The following COL24A1 variants were observed in gnomAD, a reference collection of about 807,000 sequenced individuals.
COL24A1 encodes collagen alpha-1(XXIV) chain.
Under a neutral mutation model 253.9 loss-of-function variants are expected in COL24A1, and 224 were observed. The observed-to-expected ratio is 0.88, with a 90% CI of 0.79 to 0.99. The LOEUF (loss-of-function observed/expected upper bound fraction) is 0.99. Among genes scored for constraint, COL24A1 ranks in the 50% least tolerant of loss-of-function variants. The pLI, the probability that COL24A1 is intolerant of heterozygous loss-of-function variation, is 0.00. For missense variants in COL24A1, 2,131 were observed against 2,068.5 expected, an observed-to-expected ratio of 1.03 and a Z score of -0.59; for synonymous variants, 685 against 673.7, an observed-to-expected ratio of 1.02 and a Z score of -0.26.
chr1:85,977,394 T>A (rs992068682), intron 20 of COL24A1, among the ~76,000 whole-genome samples: 6 of 152,036 alleles, frequency 3.9e-5, no homozygotes, highest in Admixed American at 3.9e-4. Context: ...GATAAAGAAT[T>A]CAGAATATTG....
Position 85,937,251 on chromosome 1 carries a change from C to T in COL24A1, c.2562+23998G>A, listed in dbSNP as rs145902106. On this transcript the variant is annotated intron_variant, in intron 24 of 59. Transcript: ENST00000370571. ...AAAAGGCAGTAACAGGGAACATCTTCTAATGAGCAAGTCTCAGGCAGTGTA... is the reference window on the plus strand; with the variant it reads ...AAAAGGCAGTAACAGGGAACATCTTTTAATGAGCAAGTCTCAGGCAGTGTA... Among the ~76,000 whole-genome samples, 187 of 147,846 alleles carry T rather than the reference C, an allele frequency of 1.3e-3. 14 individuals are homozygous for T. The highest frequency in any genetic ancestry group is 4.4e-3 in the African/African-American group (179 of 40,378).
chr1:86,021,927 G>T (rs1697575539), intron 18 of COL24A1, among the ~76,000 whole-genome samples: 1 of 151,980 alleles, frequency 6.6e-6, no homozygotes, highest in South Asian at 2.1e-4. Flanking sequence ...ATTATTTAAG[G>T]TGCTTTACAT....
chr1:85,914,654 G>C (rs971453063), intron 24 of COL24A1, among the ~76,000 whole-genome samples: 4 of 152,138 alleles, frequency 2.6e-5, no homozygotes, highest in Non-Finnish European at 4.4e-5. Flanking sequence ...GCCTCCCAAA[G>C]TATTGGGATT....
At chr1:86,076,313 C>T (rs1702239659) in intron 7 of COL24A1, among the ~76,000 whole-genome samples, 1 of 152,086 alleles carries the variant, frequency 6.6e-6, no homozygotes, top group Non-Finnish European at 1.5e-5. Flanking sequence ...GAATAAAATA[C>T]CTAGGAATAC....
At chr1:85,788,140 G>C (rs1204846367) in intron 47 of COL24A1, among the ~76,000 whole-genome samples, 1 of 151,952 alleles carries the variant, frequency 6.6e-6, no homozygotes, top group Non-Finnish European at 1.5e-5. Flanking sequence ...ACCCAGGCTG[G>C]AGTGCAGTGG....
At chr1:85,976,209 G>A (rs72954601) in intron 20 of COL24A1, among the ~76,000 whole-genome samples, 1,725 of 152,296 alleles carry the variant, frequency 0.011, 28 homozygotes, top group African/African-American at 0.039. Flanking sequence ...AGGCCTGAAA[G>A]CCTTGCTTGC....
chr1:85,970,294 A>G, intron 21 of COL24A1, 23 bp from the exon 22 acceptor site: 1 of 1,570,426 alleles, frequency 6.4e-7, no homozygotes, highest in South Asian at 1.2e-5. Flanking sequence ...AAAAGTCAGA[A>G]CATATTATGG....
At chr1:85,760,943 C>T (rs1298722230) in intron 55 of COL24A1, among the ~76,000 whole-genome samples, 2 of 152,056 alleles carry the variant, frequency 1.3e-5, no homozygotes, top group African/African-American at 4.8e-5. Context: ...AGATAATAAG[C>T]AAACATAAGA....
intron 19 of COL24A1, among the ~76,000 whole-genome samples, chr1:85,992,874 T>A (rs532837985): frequency 1.5e-4 from 23 of 152,282 alleles, no homozygotes; most frequent in African/African-American, 5.1e-4. Context: ...GTCTTCTTAA[T>A]AGAACTAGTC....
intron 51 of COL24A1, 123 bp from the exon 52 acceptor site, chr1:85,781,396 G>C (rs1030944085): frequency 4.0e-5 from 24 of 596,834 alleles, no homozygotes; most frequent in South Asian, 9.5e-5. Context: ...TAGTATAAAA[G>C]CTTACAGTAT....
At chr1:86,145,983 C>T in intron 2 of COL24A1, 136 bp downstream of exon 2, 1 of 585,080 alleles carries the variant, frequency 1.7e-6, no homozygotes, top group Non-Finnish European at 2.8e-6. Context: ...ATCTTACATT[C>T]TCATGGTACT....
At chr1:86,099,558 G>A (rs1241260611) in intron 5 of COL24A1, among the ~76,000 whole-genome samples, 1 of 152,172 alleles carries the variant, frequency 6.6e-6, no homozygotes, top group Non-Finnish European at 1.5e-5. Context: ...TAGCAGATAG[G>A]AGGTCCCATA....
intron 2 of COL24A1, among the ~76,000 whole-genome samples, chr1:86,141,578 C>T (rs1027296666): frequency 6.6e-6 from 1 of 152,164 alleles, no homozygotes; most frequent in Non-Finnish European, 1.5e-5. Flanking sequence ...CTCTACATGC[C>T]TTAGACATGT....
intron 13 of COL24A1, among the ~76,000 whole-genome samples, chr1:86,033,262 C>T (rs114356455): frequency 0.016 from 2,499 of 152,184 alleles, 27 homozygotes; most frequent in Non-Finnish European, 0.026. Flanking sequence ...TTTTTTCTAA[C>T]TCACTTTAAA....
chr1:85,896,372 C>T lies in COL24A1; in HGVS notation c.2816G>A (p.Gly939Asp), dbSNP rs771470297. ...AATGATTACCTTGGCACCTTGTATA[C>T]CTTGTTCCCCTAAGAGACCATCTGG... ...RGPDGLLGEQGIQGAKGEKGD... is the reference protein window; with the variant it reads ...RGPDGLLGEQDIQGAKGEKGD... The change falls in exon 29 of 60, where the codon GGT (glycine) becomes GAT (aspartate). Residue 939 changes from glycine to aspartate, a missense_variant. Physicochemically the swap from Gly to Asp is moderately conservative, Grantham distance 94. Transcript: ENST00000370571. 3 of 1,613,478 alleles carry T rather than the reference C, an allele frequency of 1.9e-6. No individual in the cohort carries two copies. The East Asian group carries it at 6.7e-5, about 36-fold the overall frequency.
At chr1:85,833,255 A>C (rs1272395209) in intron 43 of COL24A1, among the ~76,000 whole-genome samples, 1 of 152,166 alleles carries the variant, frequency 6.6e-6, no homozygotes, top group East Asian at 1.9e-4. Context: ...TCTACAATGA[A>C]CTCAAGCAAA....
intron 12 of COL24A1, among the ~76,000 whole-genome samples, chr1:86,044,725 C>G (rs537471872): frequency 3.9e-4 from 59 of 152,116 alleles, no homozygotes; most frequent in Middle Eastern, 3.4e-3. Flanking sequence ...GATTACAAAA[C>G]CAGAAGTTGT....
chr1:85,939,203 T>C (rs567602269), intron 24 of COL24A1, among the ~76,000 whole-genome samples: 1 of 152,114 alleles, frequency 6.6e-6, no homozygotes, highest in African/African-American at 2.4e-5. Context: ...CTTGAGAACA[T>C]TGGAAACAAC....
At chr1:85,995,338 A>C (rs529794775) in intron 19 of COL24A1, among the ~76,000 whole-genome samples, 1 of 152,130 alleles carries the variant, frequency 6.6e-6, no homozygotes, top group South Asian at 2.1e-4. Flanking sequence ...CTCTTGCTTC[A>C]GACTCCCAAG....
Sources: gnomAD v4.1 joint callset for allele counts (sites outside exome capture counted in the v4.1 genomes callset) on GRCh38, gnomAD v4.1.1 for gene constraint, MANE v1.5 for transcripts, NCBI Gene and HGNC (gene_info 2026-07-23, HGNC 2026-07-21) for gene names.